PITPNC1: variants seen among roughly 807,000 people sequenced by gnomAD.
The protein encoded by PITPNC1 is cytoplasmic phosphatidylinositol transfer protein 1.
PITPNC1 carries 18 observed loss-of-function variants against 44.7 expected under a neutral mutation model. That is an observed-to-expected ratio of 0.40 (90% CI 0.28 to 0.60). The LOEUF (loss-of-function observed/expected upper bound fraction) is 0.60. Ranked by LOEUF, PITPNC1 falls within the 20% of genes least tolerant of loss-of-function variation. The pLI, the probability that PITPNC1 is intolerant of heterozygous loss-of-function variation, is 0.39. For missense variants in PITPNC1, 290 were observed against 418.4 expected, an observed-to-expected ratio of 0.69 and a Z score of 2.68; for synonymous variants, 141 against 149.6, an observed-to-expected ratio of 0.94 and a Z score of 0.42.
At chr17:67,585,836 C>T (rs1598853785) in intron 5 of PITPNC1, among the ~76,000 whole-genome samples, 1 of 152,148 alleles carries the variant, frequency 6.6e-6, no homozygotes, top group East Asian at 1.9e-4. Context: ...TTGGGTGCAA[C>T]ACGTGAAGAC....
At chr17:67,468,282 G>A (rs2039455895) in intron 1 of PITPNC1, among the ~76,000 whole-genome samples, 1 of 152,106 alleles carries the variant, frequency 6.6e-6, no homozygotes, top group Non-Finnish European at 1.5e-5. Flanking sequence ...AGGAGCTGGA[G>A]ATAGCTACCA....
chr17:67,696,062 A>C lies in PITPNC1; in HGVS notation c.*3174A>C, dbSNP rs1419111921. The C allele has an allele frequency of 1.3e-5, 2 of 152,194 alleles. No individual in the cohort carries two copies. The highest frequency in any genetic ancestry group is 1.9e-4 in the East Asian group (1 of 5,200). The allele number at this position is 152,194 out of a possible 1,614,324, so 9.4% of individuals were successfully genotyped here. On this transcript the variant is annotated 3_prime_UTR_variant, in exon 9 of 9. Transcript: ENST00000581322. The stretch of plus-strand genomic sequence containing the variant: ...GGGTTTGTTGGTGAACTGATTTATC[A>C]AGGCTTCTGTTACGGTTTTGCATCT...
intron 1 of PITPNC1, among the ~76,000 whole-genome samples, chr17:67,385,630 C>T (rs978586576): frequency 2.6e-5 from 4 of 152,132 alleles, no homozygotes; most frequent in Non-Finnish European, 5.9e-5. Flanking sequence ...CGTGAAGGTC[C>T]GCGGCTTCAT....
intron 1 of PITPNC1, among the ~76,000 whole-genome samples, chr17:67,476,335 C>T (rs8073554): frequency 0.34 from 52,294 of 151,892 alleles, 9,165 homozygotes; most frequent in Non-Finnish European, 0.38. Context: ...TACAGGCATG[C>T]ACCACCATGC....
intron 2 of PITPNC1, among the ~76,000 whole-genome samples, chr17:67,545,814 G>A (rs906591807): frequency 3.3e-5 from 5 of 151,988 alleles, no homozygotes; most frequent in Non-Finnish European, 5.9e-5. Context: ...ATCACACACC[G>A]TTCTAGGTGC....
chr17:67,614,685 AT>A (rs1173042682), intron 5 of PITPNC1, among the ~76,000 whole-genome samples: 50 of 149,996 alleles, frequency 3.3e-4, no homozygotes, highest in African/African-American at 1.2e-3. Context: ...AAAAAAAAAA[AT>A]AAATATATAA....
chr17:67,446,545 C>T (rs1444850066), intron 1 of PITPNC1, among the ~76,000 whole-genome samples: 4 of 148,942 alleles, frequency 2.7e-5, no homozygotes, highest in Non-Finnish European at 5.9e-5. Context: ...ATTTATGCTA[C>T]GAGAAATAGA....
At chr17:67,677,218 C>T (rs2042619261) in intron 8 of PITPNC1, among the ~76,000 whole-genome samples, 1 of 152,138 alleles carries the variant, frequency 6.6e-6, no homozygotes, top group Non-Finnish European at 1.5e-5. Flanking sequence ...TTGCTACCAA[C>T]ACCAAGGAAA....
chr17:67,448,008 C>T (rs1370045059), intron 1 of PITPNC1, among the ~76,000 whole-genome samples: 7 of 151,866 alleles, frequency 4.6e-5, no homozygotes, highest in Non-Finnish European at 8.8e-5. Context: ...TGCAGTGGTG[C>T]GATCTCAGCT....
intron 1 of PITPNC1, among the ~76,000 whole-genome samples, chr17:67,378,536 G>A (rs776543533): frequency 1.2e-4 from 18 of 152,190 alleles, no homozygotes; most frequent in Non-Finnish European, 2.4e-4. Context: ...AGCCCCCGGC[G>A]CGCGCTGTAG....
chr17:67,386,247 A>G lies in PITPNC1; in HGVS notation c.48+8045A>G, dbSNP rs1056619530. Among the ~76,000 whole-genome samples the G allele has an allele frequency of 2.6e-5, 4 of 152,368 alleles. No individual in the cohort carries two copies. In the South Asian group the frequency reaches 6.2e-4, roughly 24 times the overall value. On this transcript the variant is annotated intron_variant, in intron 1 of 8. Coordinates refer to ENST00000581322, the MANE Select transcript of PITPNC1 (RefSeq NM_012417.4). The stretch of plus-strand genomic sequence containing the variant: ...GCTCTTGTCGCCCAGGCTGGAGTGC[A>G]GTGGCGCTATCGCGGCTCACTGCAA...
chr17:67,473,909 A>G (rs374668734), intron 1 of PITPNC1, among the ~76,000 whole-genome samples: 12 of 152,216 alleles, frequency 7.9e-5, no homozygotes, highest in East Asian at 7.7e-4. Flanking sequence ...CCTTTATTAC[A>G]TGGAATTCTT....
chr17:67,614,940 C>T (rs1323418993), intron 5 of PITPNC1, among the ~76,000 whole-genome samples: 8 of 151,420 alleles, frequency 5.3e-5, no homozygotes, highest in South Asian at 2.1e-4. Context: ...GCAAGAGTGG[C>T]GGGTTTCTCC....
chr17:67,433,431 G>T (rs187089835), intron 1 of PITPNC1, among the ~76,000 whole-genome samples: 1 of 152,292 alleles, frequency 6.6e-6, no homozygotes, highest in East Asian at 1.9e-4. Context: ...AGCCAGCCCC[G>T]GGCAGAAGAT....
chr17:67,396,894 ATCC>A (rs1363961341), intron 1 of PITPNC1, among the ~76,000 whole-genome samples: 1 of 152,144 alleles, frequency 6.6e-6, no homozygotes, highest in African/African-American at 2.4e-5. Context: ...GGCTCAAGGA[ATCC>A]TCCTGCCTCA....
intron 1 of PITPNC1, among the ~76,000 whole-genome samples, chr17:67,410,788 A>G (rs1481998691): frequency 2.6e-5 from 4 of 152,030 alleles, no homozygotes; most frequent in African/African-American, 9.7e-5. Flanking sequence ...TGGAGCAAGT[A>G]TAATAGAGCA....
At chr17:67,576,389 G>A (rs2041150811) in intron 4 of PITPNC1, among the ~76,000 whole-genome samples, 1 of 152,130 alleles carries the variant, frequency 6.6e-6, no homozygotes, top group Non-Finnish European at 1.5e-5. Context: ...CGGGATTGTT[G>A]CCAGGAATAA....
chr17:67,561,537 T>A (rs2144190067), intron 4 of PITPNC1, among the ~76,000 whole-genome samples: 1 of 152,310 alleles, frequency 6.6e-6, no homozygotes, highest in South Asian at 2.1e-4. Context: ...TACACGATAG[T>A]GTGTATTTCT....
intron 6 of PITPNC1, among the ~76,000 whole-genome samples, chr17:67,650,887 C>T (rs1169792945): frequency 6.6e-6 from 1 of 152,174 alleles, no homozygotes; most frequent in Non-Finnish European, 1.5e-5. Context: ...CAGAAACATT[C>T]CCCTTGCCAC....
Sources: gnomAD v4.1 joint callset for allele counts (sites outside exome capture counted in the v4.1 genomes callset) on GRCh38, gnomAD v4.1.1 for gene constraint, MANE v1.5 for transcripts, NCBI Gene and HGNC (gene_info 2026-07-23, HGNC 2026-07-21) for gene names.